The following C3orf70 variants were observed in gnomAD, a reference collection of about 807,000 sequenced individuals.
C3orf70 encodes chromosome 3 open reading frame 70.
Under a neutral mutation model 20.7 loss-of-function variants are expected in C3orf70, and 15 were observed. The ratio of observed to expected loss-of-function variants is 0.72; its 90% CI spans 0.48 to 1.11. The LOEUF (loss-of-function observed/expected upper bound fraction) is 1.11, where lower values mean the gene tolerates loss of function less well. C3orf70 is among the 50% of genes most tolerant of loss of function. The probability of loss-of-function intolerance (pLI) is 0.00; values close to 1 mark genes in which losing one functional copy is unlikely to be tolerated. For synonymous variants in C3orf70, 161 were observed against 125.7 expected (o/e 1.28, Z -1.88); for missense variants, 332 against 317.6 (o/e 1.05, Z -0.34).
rs1321535800 is a variant in C3orf70 at position 185,079,306 on chromosome 3, T to TAAAAAAAAA, written c.*3700_*3701insTTTTTTTTT. The TAAAAAAAAA allele has an allele frequency of 2.2e-4, 27 of 122,812 alleles. No homozygotes were observed. The highest frequency in any genetic ancestry group is 5.3e-4 in the African/African-American group (15 of 28,544). 7.6% of individuals were successfully genotyped at this position (122,812 alleles called of 1,614,324 possible). Reference sequence around the variant, plus strand: ...AAAAAAAAAAAAAAAAAAAAAAAAGTAAAGCCACCACTCCCAAGATAGAAT... The same window carrying TAAAAAAAAA: ...AAAAAAAAAAAAAAAAAAAAAAAAGTAAAAAAAAAAAAGCCACCACTCCCAAGATAGAAT... On this transcript the variant is annotated 3_prime_UTR_variant, in exon 2 of 2. Coordinates refer to ENST00000335012, the MANE Select transcript of C3orf70 (RefSeq NM_001025266.3).
intron 1 of C3orf70, among the ~76,000 whole-genome samples, chr3:185,086,757 G>C (rs563948484): frequency 1.2e-4 from 18 of 152,264 alleles, no homozygotes; most frequent in African/African-American, 4.3e-4. Context: ...TGTTTACTCA[G>C]AGCGAGGGTG....
intron 1 of C3orf70, among the ~76,000 whole-genome samples, chr3:185,144,768 G>A (rs369257045): frequency 2.0e-5 from 3 of 152,194 alleles, no homozygotes; most frequent in African/African-American, 7.2e-5. Flanking sequence ...ACCACGCCCA[G>A]CCACAATATG....
chr3:185,085,689 G>A (rs981317773), intron 1 of C3orf70, among the ~76,000 whole-genome samples: 1 of 143,298 alleles, frequency 7.0e-6, no homozygotes, highest in African/African-American at 2.7e-5. Context: ...TTGTCAGGCA[G>A]AGTTAAAATC....
intron 1 of C3orf70, among the ~76,000 whole-genome samples, chr3:185,130,153 TA>T (rs950123551): frequency 1.3e-5 from 2 of 152,206 alleles, no homozygotes; most frequent in Non-Finnish European, 2.9e-5. Flanking sequence ...AAGTTTGGGC[TA>T]AAAATAAATA....
Position 185,083,353 on chromosome 3 carries a change from A to C in C3orf70, c.407T>G (p.Val136Gly). Residue 136 changes from valine (V) to glycine (G), a missense_variant, in exon 2 of 2, where the codon GTT (valine) becomes GGT (glycine). Transcript: ENST00000335012. Reference sequence around the variant, plus strand: ...ACACATCTTCCCATTAATACATTTAACCTGATAGTTGTCAATAAAAAGGTC... The same window carrying C: ...ACACATCTTCCCATTAATACATTTACCCTGATAGTTGTCAATAAAAAGGTC... ...ISDLFIDNYQ[V>G]KCINGKMCYV... The C allele has an allele frequency of 6.2e-7, 1 of 1,614,116 alleles. No individual in the cohort carries two copies. The highest frequency in any genetic ancestry group is 8.5e-7 in the Non-Finnish European group (1 of 1,180,000).
chr3:185,092,864 G>A (rs1241499425), intron 1 of C3orf70, among the ~76,000 whole-genome samples: 2 of 152,074 alleles, frequency 1.3e-5, no homozygotes, highest in Non-Finnish European at 2.9e-5. Flanking sequence ...GGTGGCACAT[G>A]CCTGTAATCC....
rs1422620808 is a variant in C3orf70 at position 185,079,881 on chromosome 3, A to G, written c.*3126T>C. On this transcript the variant is annotated 3_prime_UTR_variant, in exon 2 of 2. Transcript: ENST00000335012. ...TTAACCACTTCATGTGACTGAGTTC[A>G]ATGTTATAGTGCATGTTGCAGTCTA... The G allele has an allele frequency of 6.5e-6, 1 of 152,700 alleles. No homozygotes were observed. Among genetic ancestry groups the G allele is most frequent in the African/African-American group, 2.4e-5 (1 of 41,470 alleles). The allele number at this position is 152,700 out of a possible 1,614,324, so 9.5% of individuals were successfully genotyped here.
rs1176670311 is a variant in C3orf70 at position 185,078,815 on chromosome 3, C to T, written c.*4192G>A. The T allele has an allele frequency of 2.0e-5, 3 of 152,188 alleles. No homozygotes were observed. The highest frequency in any genetic ancestry group is 6.5e-5 in the Admixed American group (1 of 15,282). The allele number at this position is 152,188 out of a possible 1,614,324, so 9.4% of individuals were successfully genotyped here. A position where few individuals can be genotyped will look rare whatever the true frequency, so the allele number is the denominator to read the frequency against. On this transcript the variant is annotated 3_prime_UTR_variant, in exon 2 of 2. Coordinates refer to ENST00000335012, the MANE Select transcript of C3orf70 (RefSeq NM_001025266.3). Reference sequence around the variant, plus strand: ...GACTGTAGAAATATTTTAACTTGTGCTTTTTCTCCTGCCCAGTAGTATCTG... The same window carrying T: ...GACTGTAGAAATATTTTAACTTGTGTTTTTTCTCCTGCCCAGTAGTATCTG...
chr3:185,084,173 A>T, intron 1 of C3orf70, among the ~76,000 whole-genome samples: 1 of 150,650 alleles, frequency 6.6e-6, no homozygotes, highest in African/African-American at 2.5e-5. Context: ...ACAGAGTGAG[A>T]CCCTGTCTCA....
At chr3:185,093,103 G>T (rs1397433240) in intron 1 of C3orf70, among the ~76,000 whole-genome samples, 1 of 152,018 alleles carries the variant, frequency 6.6e-6, no homozygotes, top group Non-Finnish European at 1.5e-5. Context: ...ACTGACTTCA[G>T]CAATCAAGCC....
chr3:185,133,508 C>T (rs1716561843), intron 1 of C3orf70, among the ~76,000 whole-genome samples: 1 of 151,838 alleles, frequency 6.6e-6, no homozygotes, highest in Non-Finnish European at 1.5e-5. Context: ...TTTGGGAGGC[C>T]GAGGCAGGCG....
Position 185,152,906 on chromosome 3 carries a change from A to ACGCGGGAGGG in C3orf70, c.-93_-84dup. The ACGCGGGAGGG allele has an allele frequency of 7.8e-7, 1 of 1,289,870 alleles. No homozygotes were observed. Among genetic ancestry groups the ACGCGGGAGGG allele is most frequent in the Non-Finnish European group, 1.0e-6 (1 of 990,366 alleles). 79.9% of individuals were successfully genotyped at this position (1,289,870 alleles called of 1,614,324 possible). On this transcript the variant is annotated 5_prime_UTR_variant, in exon 1 of 2. Coordinates refer to ENST00000335012, the MANE Select transcript of C3orf70 (RefSeq NM_001025266.3). Reference sequence around the variant, plus strand: ...GGGCAGGAAGCCGAGCCGGCTGCGGACGCGGGAGGGCGCGGCACGGGCCGG... The same window carrying ACGCGGGAGGG: ...GGGCAGGAAGCCGAGCCGGCTGCGGACGCGGGAGGGCGCGGGAGGGCGCGGCACGGGCCGG...
intron 1 of C3orf70, among the ~76,000 whole-genome samples, chr3:185,112,471 T>C (rs1263983245): frequency 6.6e-6 from 1 of 152,224 alleles, no homozygotes; most frequent in African/African-American, 2.4e-5. Flanking sequence ...CTGCTTCTAT[T>C]GCCAAATAAT....
intron 1 of C3orf70, among the ~76,000 whole-genome samples, chr3:185,148,157 G>A (rs935129102): frequency 3.9e-5 from 6 of 152,170 alleles, no homozygotes; most frequent in Admixed American, 6.5e-5. Flanking sequence ...TGGTGCTCAC[G>A]CTTCATCACA....
intron 1 of C3orf70, among the ~76,000 whole-genome samples, chr3:185,120,689 G>A (rs574335632): frequency 5.4e-5 from 8 of 149,218 alleles, no homozygotes; most frequent in East Asian, 3.9e-4. Context: ...ACCTCACTCC[G>A]GCATGAACGG....
At chr3:185,143,516 G>A (rs1307752241) in intron 1 of C3orf70, among the ~76,000 whole-genome samples, 1 of 152,082 alleles carries the variant, frequency 6.6e-6, no homozygotes, top group Non-Finnish European at 1.5e-5. Context: ...ACAGCTGGGG[G>A]GGTGTTTGTA....
intron 1 of C3orf70, among the ~76,000 whole-genome samples, chr3:185,117,946 C>G (rs1716217195): frequency 3.3e-5 from 5 of 152,192 alleles, no homozygotes. Flanking sequence ...GTTACTTCCT[C>G]AGGGAATACT....
chr3:185,096,577 A>C (rs77759930), intron 1 of C3orf70, among the ~76,000 whole-genome samples: 167 of 152,276 alleles, frequency 1.1e-3, no homozygotes, highest in Middle Eastern at 3.4e-3. Flanking sequence ...AGTGAACGTG[A>C]TGACACTTTC....
At chr3:185,104,742 G>A (rs546326549) in intron 1 of C3orf70, among the ~76,000 whole-genome samples, 12 of 152,198 alleles carry the variant, frequency 7.9e-5, no homozygotes, top group Admixed American at 3.3e-4. Context: ...ACCAAATACC[G>A]CATGTTCTTA....
Sources: allele counts gnomAD v4.1 joint callset (sites outside exome capture counted in the v4.1 genomes callset), GRCh38; gene constraint gnomAD v4.1.1; transcripts MANE v1.5; gene names NCBI Gene and HGNC (gene_info 2026-07-23, HGNC 2026-07-21).